DPP10: variants seen among roughly 807,000 people sequenced by gnomAD.
The protein encoded by DPP10 is dipeptidyl peptidase like 10.
A neutral mutation model predicts 120.9 loss-of-function variants in DPP10; 33 were observed. The ratio of observed to expected loss-of-function variants is 0.27; its 90% CI spans 0.21 to 0.37. DPP10 has a LOEUF of 0.37. DPP10 is among the 10% of genes least tolerant of loss of function. The pLI is 1.00. For synonymous variants in DPP10, 337 were observed against 326.1 expected, an observed-to-expected ratio of 1.03 and a Z score of -0.36; for missense variants, 816 against 942.8, an observed-to-expected ratio of 0.87 and a Z score of 1.76.
intron 1 of DPP10, among the ~76,000 whole-genome samples, chr2:114,724,338 T>C (rs928702736): frequency 6.6e-6 from 1 of 152,216 alleles, no homozygotes. Context: ...CACTAATCAA[T>C]GTTATCGCTG....
chr2:115,407,843 A>G (rs1468186171), intron 3 of DPP10, among the ~76,000 whole-genome samples: 1 of 151,980 alleles, frequency 6.6e-6, no homozygotes, highest in Non-Finnish European at 1.5e-5. Context: ...ATTACCTATC[A>G]GTGAAGAGAG....
intron 2 of DPP10, among the ~76,000 whole-genome samples, chr2:115,334,079 T>C (rs1288029611): frequency 6.6e-6 from 1 of 151,650 alleles, no homozygotes; most frequent in Non-Finnish European, 1.5e-5. Flanking sequence ...TGCAGGATAT[T>C]ATCCGGGAGA....
chr2:115,087,244 A>G (rs1286183124), intron 1 of DPP10, among the ~76,000 whole-genome samples: 3 of 152,212 alleles, frequency 2.0e-5, no homozygotes, highest in Non-Finnish European at 4.4e-5. Flanking sequence ...GAGTTAAAAG[A>G]GTAGTGTGGC....
chr2:115,117,095 G>A (rs778543258), intron 1 of DPP10, among the ~76,000 whole-genome samples: 7 of 152,092 alleles, frequency 4.6e-5, no homozygotes, highest in African/African-American at 7.2e-5. Context: ...AGAAAAACTC[G>A]TACACTTCCT....
intron 1 of DPP10, among the ~76,000 whole-genome samples, chr2:114,756,617 C>T (rs754240538): frequency 6.6e-6 from 1 of 152,168 alleles, no homozygotes; most frequent in Non-Finnish European, 1.5e-5. Context: ...GGTCTAAACC[C>T]CACTGCAGAC....
chr2:114,980,142 A>G (rs1196181137), intron 1 of DPP10, among the ~76,000 whole-genome samples: 1 of 152,146 alleles, frequency 6.6e-6, no homozygotes, highest in Non-Finnish European at 1.5e-5. Flanking sequence ...GTTTACAAGC[A>G]GGATGTACAA....
At chr2:114,931,789 G>A (rs1190979150) in intron 1 of DPP10, among the ~76,000 whole-genome samples, 1 of 152,216 alleles carries the variant, frequency 6.6e-6, no homozygotes, top group African/African-American at 2.4e-5. Flanking sequence ...AAAAAAAGGA[G>A]TAATAGCTGC....
At chr2:115,107,276 T>G (rs951570983) in intron 1 of DPP10, among the ~76,000 whole-genome samples, 2 of 152,010 alleles carry the variant, frequency 1.3e-5, no homozygotes, top group African/African-American at 4.8e-5. Context: ...TCAGTCTAAT[T>G]AAGTATATAC....
intron 1 of DPP10, among the ~76,000 whole-genome samples, chr2:114,503,098 A>G (rs1300907600): frequency 2.0e-5 from 3 of 152,230 alleles, no homozygotes; most frequent in Non-Finnish European, 2.9e-5. Flanking sequence ...CTTCTGTTCA[A>G]GATGCTTTTG....
chr2:115,158,380 G>C (rs2052061628), intron 1 of DPP10, among the ~76,000 whole-genome samples: 1 of 152,172 alleles, frequency 6.6e-6, no homozygotes, highest in Admixed American at 6.5e-5. Flanking sequence ...GAGAAAGAAA[G>C]ACATTGTAGA....
intron 5 of DPP10, among the ~76,000 whole-genome samples, chr2:115,593,839 A>G (rs2082828502): frequency 6.6e-6 from 1 of 152,222 alleles, no homozygotes; most frequent in Non-Finnish European, 1.5e-5. Flanking sequence ...AAAGTTCAAC[A>G]GGAATCATTG....
chr2:115,531,394 C>T (rs532155832), intron 5 of DPP10, among the ~76,000 whole-genome samples: 2 of 152,104 alleles, frequency 1.3e-5, no homozygotes, highest in African/African-American at 2.4e-5. Flanking sequence ...AAGAGAGCTA[C>T]GCAGCCAGAA....
At chr2:115,209,359 A>G (rs576004042) in intron 1 of DPP10, among the ~76,000 whole-genome samples, 168 of 152,224 alleles carry the variant, frequency 1.1e-3, no homozygotes, top group Non-Finnish European at 1.9e-3. Flanking sequence ...AGTTGTTTTT[A>G]TTGGTCATAT....
intron 1 of DPP10, among the ~76,000 whole-genome samples, chr2:114,828,040 T>C (rs1236781711): frequency 2.0e-5 from 3 of 152,238 alleles, no homozygotes; most frequent in Non-Finnish European, 4.4e-5. Context: ...TTTGTTGTTG[T>C]CAGAGTCAAA....
chr2:114,766,426 C>A (rs1680708986), intron 1 of DPP10, among the ~76,000 whole-genome samples: 2 of 152,162 alleles, frequency 1.3e-5, no homozygotes, highest in Non-Finnish European at 1.5e-5. Context: ...TGAAACCCAG[C>A]AATCACATTC....
intron 1 of DPP10, among the ~76,000 whole-genome samples, chr2:114,834,764 G>A (rs77775602): frequency 0.17 from 5,716 of 33,076 alleles, 976 homozygotes; most frequent in South Asian, 0.35. Flanking sequence ...CCATGTCTAC[G>A]CACCTATGTA....
chr2:115,025,973 G>C (rs756979318), intron 1 of DPP10, among the ~76,000 whole-genome samples: 2 of 151,874 alleles, frequency 1.3e-5, no homozygotes, highest in Non-Finnish European at 2.9e-5. Flanking sequence ...CTGTGGGTTG[G>C]TTCTTCACTT....
intron 1 of DPP10, among the ~76,000 whole-genome samples, chr2:114,839,534 C>T (rs1687992870): frequency 1.3e-5 from 2 of 152,246 alleles, no homozygotes; most frequent in African/African-American, 4.8e-5. Flanking sequence ...TAAACTCTGC[C>T]AACTTAGTGA....
At chr2:114,759,529 C>T (rs935444164) in intron 1 of DPP10, among the ~76,000 whole-genome samples, 1 of 151,438 alleles carries the variant, frequency 6.6e-6, no homozygotes, top group African/African-American at 2.4e-5. Flanking sequence ...CTCTTGGTGG[C>T]CACTGCTAAA....
Sources: gnomAD v4.1 joint callset for allele counts (sites outside exome capture counted in the v4.1 genomes callset) on GRCh38, gnomAD v4.1.1 for gene constraint, MANE v1.5 for transcripts, NCBI Gene and HGNC (gene_info 2026-07-23, HGNC 2026-07-21) for gene names.